CD37: variants seen among roughly 807,000 people sequenced by gnomAD.
The protein encoded by CD37 is CD37 molecule.
CD37 carries 37 observed loss-of-function variants against 38.9 expected under a neutral mutation model. The observed-to-expected ratio is 0.95, with a 90% CI of 0.73 to 1.25. CD37 has a LOEUF of 1.25. Among genes scored for constraint, CD37 ranks in the 50% most tolerant of loss-of-function variants. CD37 has a pLI of 0.00. For synonymous variants in CD37, 146 were observed against 150.1 expected, an observed-to-expected ratio of 0.97 and a Z score of 0.20; for missense variants, 351 against 360.1, an observed-to-expected ratio of 0.97 and a Z score of 0.20.
Position 49,335,614 on chromosome 19 carries a change from G to C in CD37, c.69+5G>C. On this transcript the variant is annotated splice_donor_5th_base_variant and intron_variant, in intron 1 of 7. Transcript: ENST00000323906. This position sits in a 1 kb window ranked among gnomAD's most constrained non-coding sequence, Gnocchi z 4.6. ...GTTTTCAACCTCTTCTTCTTCGTGA[G>C]TTGCCTCATGGCTACCCAGCCGGGG... 1 of 1,613,620 alleles carries C rather than the reference G, an allele frequency of 6.2e-7. No homozygotes were observed. The highest frequency in any genetic ancestry group is 8.5e-7 in the Non-Finnish European group (1 of 1,179,608).
chr19:49,338,548 C>G lies in CD37; in HGVS notation c.448-152C>G. On this transcript the variant is annotated intron_variant, in intron 5 of 7. Transcript: ENST00000323906. The surrounding 1 kb of genome is among the most constrained non-coding windows in gnomAD (Gnocchi z 5.0). ...TCCCGTAATGTCCCCTGGCTCCGGCCCCATCGTGACCCCAGCCCACTGTCC... is the reference window on the plus strand; with the variant it reads ...TCCCGTAATGTCCCCTGGCTCCGGCGCCATCGTGACCCCAGCCCACTGTCC... 1 of 650,004 alleles carries G rather than the reference C, an allele frequency of 1.5e-6. No homozygotes were observed. Among genetic ancestry groups the G allele is most frequent in the Non-Finnish European group, 2.8e-6 (1 of 362,134 alleles). 40.3% of individuals were successfully genotyped at this position (650,004 alleles called of 1,614,324 possible). A position where few individuals can be genotyped will look rare whatever the true frequency, so the allele number is the denominator to read the frequency against.
rs906556668 is a variant in CD37, at chr19:49,338,805, T to C, written c.553T>C (p.Ser185Pro). 2 of 1,613,736 alleles carry C rather than the reference T, an allele frequency of 1.2e-6. No individual in the cohort carries two copies. The highest frequency in any genetic ancestry group is 1.7e-6 in the Non-Finnish European group (2 of 1,179,990). The change falls in exon 6 of 8, where the codon TCG becomes CCG. Residue 185 changes from serine (S) to proline (P), a missense_variant. Physicochemically the swap from Ser to Pro is moderately conservative, Grantham distance 74. Transcript: ENST00000323906. The surrounding 1 kb of genome is among the most constrained non-coding windows in gnomAD (Gnocchi z 5.0). ...CGTGCCCTGCTCCTGCTACAACTTGTCGGCGACCAACGACTCCACAATCCT... is the reference window on the plus strand; with the variant it reads ...CGTGCCCTGCTCCTGCTACAACTTGCCGGCGACCAACGACTCCACAATCCT... ...HRVPCSCYNL[S>P]ATNDSTILDK...
At chr19:49,336,745 GAA>G (rs1970970082) in intron 2 of CD37, 162 bp from the exon 3 acceptor site, 2 of 650,934 alleles carry the variant, frequency 3.1e-6, no homozygotes, top group East Asian at 5.6e-5. Flanking sequence ...AGAAAGAAGA[GAA>G]AGTTTCAGAA....
Position 49,339,664 on chromosome 19 carries a change from G to A in CD37, c.768+251G>A, listed in dbSNP as rs1472766688. 1 of 1,427,984 alleles carries A rather than the reference G, an allele frequency of 7.0e-7. No homozygotes were observed. Among genetic ancestry groups the A allele is most frequent in the South Asian group, 1.5e-5 (1 of 66,190 alleles). The allele number at this position is 1,427,984 out of a possible 1,614,324, so 88.5% of individuals were successfully genotyped here. On this transcript the variant is annotated intron_variant, in intron 7 of 7. Transcript: ENST00000323906. The surrounding 1 kb of genome is among the most constrained non-coding windows in gnomAD (Gnocchi z 4.5). ...CCCTCCCCTTTCTCCGCAGATGACTGTCATGGTGCTGAGCGTACAGCTACA... is the reference window on the plus strand; with the variant it reads ...CCCTCCCCTTTCTCCGCAGATGACTATCATGGTGCTGAGCGTACAGCTACA...
At chr19:49,337,483 G>A in intron 4 of CD37, 1 of 617,976 alleles carries the variant, frequency 1.6e-6, no homozygotes, top group Non-Finnish European at 2.7e-6. Context: ...AAATCCGGGT[G>A]TGATGGTGTG....
chr19:49,335,447 T>C lies in CD37; in HGVS notation c.-94T>C. 1.1e-6 allele frequency: 1 copy of C among 916,158 alleles called. No individual in the cohort carries two copies. The highest frequency in any genetic ancestry group is 1.8e-6 in the Non-Finnish European group (1 of 568,142). 56.8% of individuals were successfully genotyped at this position (916,158 alleles called of 1,614,324 possible). A position where few individuals can be genotyped will look rare whatever the true frequency, so the allele number is the denominator to read the frequency against. On this transcript the variant is annotated 5_prime_UTR_variant, in exon 1 of 8. Coordinates refer to ENST00000323906, the MANE Select transcript of CD37 (RefSeq NM_001774.3). The surrounding 1 kb of genome is among the most constrained non-coding windows in gnomAD (Gnocchi z 4.6). The stretch of plus-strand genomic sequence containing the variant: ...CCTTTCTCTCTCAGCTCTCCGTCTC[T>C]CTTTCTCTCTCAGCCTCTTTCTTTC...
Position 49,337,984 on chromosome 19 carries a change from C to G in CD37, c.402C>G (p.Pro134=), listed in dbSNP as rs763287483. Residue 134 remains proline (P), a synonymous_variant, in exon 5 of 8, where the codon CCC becomes CCG. Coordinates refer to ENST00000323906, the MANE Select transcript of CD37 (RefSeq NM_001774.3). ...CCATCCAAAAGTACGGCACCAACCC[C>G]GAGGAGACCGCGGCCGAGGAGAGCT... ...EKTIQKYGTN[P]EETAAEESWD... is the part of the protein sequence containing the mutation. The G allele has an allele frequency of 3.3e-5, 53 of 1,614,086 alleles. No individual in the cohort carries two copies. The South Asian group carries it at 3.4e-4, about 10-fold the overall frequency.
Position 49,335,790 on chromosome 19 carries a change from AG to A in CD37, c.142+10del, listed in dbSNP as rs1458592495. 4 of 1,221,326 alleles carry A rather than the reference AG, an allele frequency of 3.3e-6. No homozygotes were observed. The highest frequency in any genetic ancestry group is 1.5e-5 in the African/African-American group (1 of 67,292). 75.7% of individuals were successfully genotyped at this position (1,221,326 alleles called of 1,614,324 possible). A position where few individuals can be genotyped will look rare whatever the true frequency, so the allele number is the denominator to read the frequency against. ...ACCAGCTTCGTGTCCTTTGTGGGTG[AG>A]GGGGGCTGGGGCAGGTGGGAGGGCC... On this transcript the variant is annotated splice_donor_5th_base_variant and intron_variant, in intron 2 of 7. Transcript: ENST00000323906. This position sits in a 1 kb window ranked among gnomAD's most constrained non-coding sequence, Gnocchi z 4.6.
rs751536124 is a variant in CD37 at position 49,339,459 on chromosome 19, A to G, written c.768+46A>G. ...CCCGCGATCGGCCCTAAATCCCTAG[A>G]TGGCCCTGCCCTTCATTTCGCGTCC... On this transcript the variant is annotated intron_variant, in intron 7 of 7. Transcript: ENST00000323906. The surrounding 1 kb of genome is among the most constrained non-coding windows in gnomAD (Gnocchi z 4.5). 4 of 1,580,654 alleles carry G rather than the reference A, an allele frequency of 2.5e-6. No individual in the cohort carries two copies. The highest frequency in any genetic ancestry group is 1.7e-6 in the Non-Finnish European group (2 of 1,153,492).
Position 49,340,342 on chromosome 19 carries a change from C to G in CD37, c.*14C>G. 1.3e-6 allele frequency: 2 copies of G among 1,578,426 alleles called. No homozygotes were observed. Among genetic ancestry groups the G allele is most frequent in the Non-Finnish European group, 1.7e-6 (2 of 1,148,256 alleles). On this transcript the variant is annotated 3_prime_UTR_variant, in exon 8 of 8. Coordinates refer to ENST00000323906, the MANE Select transcript of CD37 (RefSeq NM_001774.3). ...CGATACCGTTAGGCCCCGCCCTCCCCAAAGTCCCGCCCCGCCCCCGTCACG... is the reference window on the plus strand; with the variant it reads ...CGATACCGTTAGGCCCCGCCCTCCCGAAAGTCCCGCCCCGCCCCCGTCACG...
chr19:49,335,794 G>C lies in CD37; in HGVS notation c.142+8G>C. 1.9e-6 allele frequency: 3 copies of C among 1,609,086 alleles called. No individual in the cohort carries two copies. Among genetic ancestry groups the C allele is most frequent in the Non-Finnish European group, 2.6e-6 (3 of 1,176,000 alleles). On this transcript the variant is annotated splice_region_variant and intron_variant, in intron 2 of 7. Transcript: ENST00000323906. The surrounding 1 kb of genome is among the most constrained non-coding windows in gnomAD (Gnocchi z 4.6). ...GCTTCGTGTCCTTTGTGGGTGAGGG[G>C]GGCTGGGGCAGGTGGGAGGGCCTCC...
Position 49,338,169 on chromosome 19 carries a change from C to A in CD37, c.447+140C>A, listed in dbSNP as rs1481588792. On this transcript the variant is annotated intron_variant, in intron 5 of 7. Transcript: ENST00000323906. The surrounding 1 kb of genome is among the most constrained non-coding windows in gnomAD (Gnocchi z 5.0). ...AATCCCTCCCAGGCCCGACGCTCCCCACTCCCCAGATGACACAACTGTCCC... is the reference window on the plus strand; with the variant it reads ...AATCCCTCCCAGGCCCGACGCTCCCAACTCCCCAGATGACACAACTGTCCC... 5 of 1,452,858 alleles carry A rather than the reference C, an allele frequency of 3.4e-6. No individual in the cohort carries two copies. The African/African-American group carries it at 4.3e-5, about 12-fold the overall frequency. 90.0% of individuals were successfully genotyped at this position (1,452,858 alleles called of 1,614,324 possible). A position where few individuals can be genotyped will look rare whatever the true frequency, so the allele number is the denominator to read the frequency against.
chr19:49,338,918 G>C lies in CD37; in HGVS notation c.666G>C (p.Glu222Asp), dbSNP rs1455988763. ...CAGACATCTGCGCTGTCCCTGCAGAGAGCCACATCTACCGCGAGGTGGGCA... is the reference window on the plus strand; with the variant it reads ...CAGACATCTGCGCTGTCCCTGCAGACAGCCACATCTACCGCGAGGTGGGCA... Reference protein sequence around the residue: ...HSADICAVPAESHIYREGCAQ... With the variant: ...HSADICAVPADSHIYREGCAQ... The change falls in exon 6 of 8, where the codon GAG (glutamate) becomes GAC (aspartate). Residue 222 changes from glutamate to aspartate, a missense_variant. Physicochemically the swap from Glu to Asp is conservative, Grantham distance 45 (BLOSUM62 2). Coordinates refer to ENST00000323906, the MANE Select transcript of CD37 (RefSeq NM_001774.3). The surrounding 1 kb of genome is among the most constrained non-coding windows in gnomAD (Gnocchi z 5.0). The C allele has an allele frequency of 1.9e-6, 3 of 1,613,244 alleles. No individual in the cohort carries two copies. The highest frequency in any genetic ancestry group is 1.7e-5 in the Admixed American group (1 of 60,020).
In CD37 at chr19:49,335,640, C is replaced by T. The variant is rs895837469; in HGVS notation, c.69+31C>T. On this transcript the variant is annotated intron_variant, in intron 1 of 7. Transcript: ENST00000323906. The surrounding 1 kb of genome is among the most constrained non-coding windows in gnomAD (Gnocchi z 4.6). ...TTGCCTCATGGCTACCCAGCCGGGGCCCAGCCCCTGCCGCTAACCCAGCCC... is the reference window on the plus strand; with the variant it reads ...TTGCCTCATGGCTACCCAGCCGGGGTCCAGCCCCTGCCGCTAACCCAGCCC... 1 of 1,609,828 alleles carries T rather than the reference C, an allele frequency of 6.2e-7. No individual in the cohort carries two copies. The highest frequency in any genetic ancestry group is 8.5e-7 in the Non-Finnish European group (1 of 1,176,628).
At position 49,335,831 on chromosome 19, in the gene CD37, C is replaced by T; in HGVS notation, c.142+45C>T. ...GTGGGAGGGCCTCCCCCAACCCAAG[C>T]AACTTCCTGGGGTCTCCCTTGTCTC... On this transcript the variant is annotated intron_variant, in intron 2 of 7. Coordinates refer to ENST00000323906, the MANE Select transcript of CD37 (RefSeq NM_001774.3). This position sits in a 1 kb window ranked among gnomAD's most constrained non-coding sequence, Gnocchi z 4.6. 6.7e-7 allele frequency: 1 copy of T among 1,500,858 alleles called. No homozygotes were observed. Among genetic ancestry groups the T allele is most frequent in the Non-Finnish European group, 9.3e-7 (1 of 1,079,520 alleles). The allele number at this position is 1,500,858 out of a possible 1,614,324, so 93.0% of individuals were successfully genotyped here.
intron 4 of CD37, chr19:49,337,565 T>C: frequency 8.5e-7 from 1 of 1,182,476 alleles, no homozygotes; most frequent in Non-Finnish European, 1.1e-6. Context: ...GAGGCTACAG[T>C]GAGCCATGCA....
chr19:49,338,621 A>C lies in CD37; in HGVS notation c.448-79A>C. On this transcript the variant is annotated intron_variant, in intron 5 of 7. Transcript: ENST00000323906. This position sits in a 1 kb window ranked among gnomAD's most constrained non-coding sequence, Gnocchi z 5.0. ...GTCCCCTGCTCCCCGACCTGACCTC[A>C]TACCCATCACCTTGTCCCCTGATCC... 1 of 1,056,144 alleles carries C rather than the reference A, an allele frequency of 9.5e-7. No homozygotes were observed. 65.4% of individuals were successfully genotyped at this position (1,056,144 alleles called of 1,614,324 possible).
Position 49,339,327 on chromosome 19 carries a change from C to G in CD37, c.685-3C>G. ...CCCTTTAACTTTTCCCTACACCCCC[C>G]AGGGCTGCGCGCAGGGCCTCCAGAA... On this transcript the variant is annotated splice_region_variant and splice_polypyrimidine_tract_variant and intron_variant, in intron 6 of 7. Transcript: ENST00000323906. The surrounding 1 kb of genome is among the most constrained non-coding windows in gnomAD (Gnocchi z 4.5). 1 of 1,613,704 alleles carries G rather than the reference C, an allele frequency of 6.2e-7. No homozygotes were observed. Among genetic ancestry groups the G allele is most frequent in the Non-Finnish European group, 8.5e-7 (1 of 1,179,678 alleles).
chr19:49,339,269 G>T lies in CD37; in HGVS notation c.685-61G>T. 1 of 1,478,418 alleles carries T rather than the reference G, an allele frequency of 6.8e-7. No homozygotes were observed. Among genetic ancestry groups the T allele is most frequent in the Non-Finnish European group, 9.4e-7 (1 of 1,062,852 alleles). The allele number at this position is 1,478,418 out of a possible 1,614,324, so 91.6% of individuals were successfully genotyped here. A position where few individuals can be genotyped will look rare whatever the true frequency, so the allele number is the denominator to read the frequency against. On this transcript the variant is annotated intron_variant, in intron 6 of 7. Coordinates refer to ENST00000323906, the MANE Select transcript of CD37 (RefSeq NM_001774.3). The surrounding 1 kb of genome is among the most constrained non-coding windows in gnomAD (Gnocchi z 4.5). ...CGGTGAGGGTTGGCCTGAAAAGAACGCTGGGCCTGGGCTTGAGAGTCCCAG... is the reference window on the plus strand; with the variant it reads ...CGGTGAGGGTTGGCCTGAAAAGAACTCTGGGCCTGGGCTTGAGAGTCCCAG...
Sources: allele counts gnomAD v4.1 joint callset, GRCh38; gene constraint gnomAD v4.1.1; non-coding constraint Gnocchi (gnomAD v3.1); transcripts MANE v1.5; gene names NCBI Gene and HGNC (gene_info 2026-07-23, HGNC 2026-07-21).